DSCAM: variants seen among roughly 807,000 people sequenced by gnomAD.
The protein encoded by DSCAM is DS cell adhesion molecule, also known as cell adhesion molecule DSCAM.
A neutral mutation model predicts 217.7 loss-of-function variants in DSCAM; 47 were observed. That is an observed-to-expected ratio of 0.22 (90% CI 0.17 to 0.28). The LOEUF is 0.28. Among genes scored for constraint, DSCAM ranks in the 10% least tolerant of loss-of-function variants. The probability of loss-of-function intolerance (pLI) is 1.00; values close to 1 mark genes in which losing one functional copy is unlikely to be tolerated. For missense variants in DSCAM, 2,080 were observed against 2,618.3 expected, an observed-to-expected ratio of 0.79 and a Z score of 4.49; for synonymous variants, 1,056 against 1,015.3, an observed-to-expected ratio of 1.04 and a Z score of -0.76.
chr21:40,183,701 G>A (rs769514844), intron 14 of DSCAM, among the ~76,000 whole-genome samples: 1 of 152,200 alleles, frequency 6.6e-6, no homozygotes, highest in Non-Finnish European at 1.5e-5. Context: ...AGGCAGAGCT[G>A]TGCTCCCTGG....
intron 1 of DSCAM, among the ~76,000 whole-genome samples, chr21:40,748,530 G>C (rs2091197008): frequency 6.6e-6 from 1 of 151,918 alleles, no homozygotes; most frequent in Non-Finnish European, 1.5e-5. Flanking sequence ...CTTAACCAAG[G>C]AGGTGAAAAA....
At chr21:40,409,517 T>C (rs1046339771) in intron 3 of DSCAM, among the ~76,000 whole-genome samples, 1 of 152,122 alleles carries the variant, frequency 6.6e-6, no homozygotes, top group African/African-American at 2.4e-5. Context: ...ACTAGAGGAA[T>C]CCTAGTGAGA....
At chr21:40,623,299 T>C (rs1409273930) in intron 3 of DSCAM, among the ~76,000 whole-genome samples, 5 of 152,196 alleles carry the variant, frequency 3.3e-5, no homozygotes, top group Admixed American at 2.0e-4. Context: ...GAAATCTTTA[T>C]AGAGCAAAGT....
rs139382331 is a variant in DSCAM at position 40,747,991 on chromosome 21, T to C, written c.44-39220A>G. 2.7e-4 allele frequency among the ~76,000 whole-genome samples: 41 copies of C among 152,056 alleles called. 1 individual carries two copies. Among genetic ancestry groups the C allele is most frequent in the Admixed American group, 2.5e-3 (38 of 15,276 alleles). On this transcript the variant is annotated intron_variant, in intron 1 of 32. Transcript: ENST00000400454. ...AAATCCATATGATAATTTCAATAGA[T>C]GCTGAAAAAAATTTGATAAAATTCA...
intron 2 of DSCAM, among the ~76,000 whole-genome samples, chr21:40,693,351 T>C (rs1257370131): frequency 1.3e-5 from 2 of 152,042 alleles, no homozygotes; most frequent in African/African-American, 2.4e-5. Context: ...TGAGATTACC[T>C]GAGCCTGGGA....
intron 3 of DSCAM, among the ~76,000 whole-genome samples, chr21:40,508,639 G>T (rs1309303824): frequency 1.3e-5 from 2 of 149,224 alleles, no homozygotes; most frequent in African/African-American, 2.5e-5. Context: ...TGCAGTCATC[G>T]CTCTCAGTAG....
At chr21:40,126,390 T>C (rs2090094254) in intron 19 of DSCAM, among the ~76,000 whole-genome samples, 10 of 151,988 alleles carry the variant, frequency 6.6e-5, no homozygotes, top group Admixed American at 6.6e-4. Flanking sequence ...GGCCGATCTA[T>C]GTTTGGTCAG....
chr21:40,745,729 G>A (rs914959369), intron 1 of DSCAM, among the ~76,000 whole-genome samples: 1 of 152,074 alleles, frequency 6.6e-6, no homozygotes, highest in Non-Finnish European at 1.5e-5. Flanking sequence ...AAATTCACTG[G>A]TAAAAGTAAG....
intron 27 of DSCAM, among the ~76,000 whole-genome samples, chr21:40,065,489 A>T (rs867769124): frequency 6.6e-6 from 1 of 152,242 alleles, no homozygotes; most frequent in South Asian, 2.1e-4. Context: ...AGCAATAAAG[A>T]CTTTTCAGAT....
intron 3 of DSCAM, among the ~76,000 whole-genome samples, chr21:40,603,540 C>T (rs1161713354): frequency 1.3e-5 from 2 of 152,154 alleles, no homozygotes; most frequent in South Asian, 2.1e-4. Context: ...ATTTCTGACC[C>T]ATGCTATTTT....
At chr21:40,465,511 A>G (rs1181729891) in intron 3 of DSCAM, among the ~76,000 whole-genome samples, 1 of 152,244 alleles carries the variant, frequency 6.6e-6, no homozygotes, top group African/African-American at 2.4e-5. Flanking sequence ...TGTTCCATTA[A>G]AAATAATGAG....
chr21:40,061,758 T>C (rs2089126619), intron 28 of DSCAM, among the ~76,000 whole-genome samples: 2 of 152,104 alleles, frequency 1.3e-5, no homozygotes, highest in African/African-American at 4.8e-5. Flanking sequence ...GGGAAGTTTT[T>C]AAATAACAAA....
intron 11 of DSCAM, among the ~76,000 whole-genome samples, chr21:40,196,121 G>A (rs540594254): frequency 1.9e-4 from 29 of 152,340 alleles, no homozygotes; most frequent in African/African-American, 7.0e-4. Context: ...GCCTCCTGGT[G>A]TCCCAGGTAA....
chr21:40,413,643 G>T (rs1471948494), intron 3 of DSCAM, among the ~76,000 whole-genome samples: 1 of 152,190 alleles, frequency 6.6e-6, no homozygotes, highest in Non-Finnish European at 1.5e-5. Flanking sequence ...CAAAGATACA[G>T]GATGACTGAA....
chr21:40,144,758 AAAG>A lies in DSCAM; in HGVS notation c.3019-30_3019-28del. On this transcript the variant is annotated intron_variant, in intron 16 of 32. Transcript: ENST00000400454. The surrounding 1 kb of genome is among the most constrained non-coding windows in gnomAD (Gnocchi z 4.8). The stretch of plus-strand genomic sequence containing the variant: ...TAAACAGGAGAGAAAAGAACACACT[AAAG>A]AAGTCTTGAGGTAGGACAAGAGCGA... 1 of 1,613,342 alleles carries A rather than the reference AAAG, an allele frequency of 6.2e-7. No individual in the cohort carries two copies. Among genetic ancestry groups the A allele is most frequent in the Non-Finnish European group, 8.5e-7 (1 of 1,179,704 alleles).
chr21:40,126,350 GAAGGAAAGAAGA>G (rs2090093767), intron 19 of DSCAM, among the ~76,000 whole-genome samples: 1 of 152,016 alleles, frequency 6.6e-6, no homozygotes. Context: ...AAGAAGAAAA[GAAGGAAAGAAGA>G]AAGGAAAGAA....
In DSCAM at chr21:40,475,119, T is replaced by C. The variant is rs532524897; in HGVS notation, c.509-105874A>G. Among the ~76,000 whole-genome samples, 11 of 152,330 alleles carry C rather than the reference T, an allele frequency of 7.2e-5. No individual in the cohort carries two copies. The East Asian group carries it at 2.1e-3, about 29-fold the overall frequency. ...CAGCCAGCAAGATGCTCCACCCTCC[T>C]CCTTCAGACTGTCGTGCGCAATTAA... On this transcript the variant is annotated intron_variant, in intron 3 of 32. Coordinates refer to ENST00000400454, the MANE Select transcript of DSCAM (RefSeq NM_001389.5).
At chr21:40,530,917 T>TCAACCATCCATCCATCCATC (rs2076440217) in intron 3 of DSCAM, among the ~76,000 whole-genome samples, 1 of 78,868 alleles carries the variant, frequency 1.3e-5, no homozygotes, top group Admixed American at 1.4e-4. Flanking sequence ...ATCCATCCAT[T>TCAACCATCCATCCATCCATC]CAACCATCCA....
chr21:40,352,942 G>T (rs1297631174), intron 5 of DSCAM, among the ~76,000 whole-genome samples: 2 of 152,172 alleles, frequency 1.3e-5, no homozygotes, highest in African/African-American at 4.8e-5. Context: ...TGGAGTAGAT[G>T]ATCTATAATA....
Sources: gnomAD v4.1 joint callset for allele counts (sites outside exome capture counted in the v4.1 genomes callset) on GRCh38, gnomAD v4.1.1 for gene constraint, Gnocchi (gnomAD v3.1) non-coding constraint, MANE v1.5 for transcripts, NCBI Gene and HGNC (gene_info 2026-07-23, HGNC 2026-07-21) for gene names.